Variants in PDGFRB observed in about 807,000 individuals in gnomAD.
PDGFRB encodes the protein platelet-derived growth factor receptor beta.
PDGFRB carries 42 observed loss-of-function variants against 120.2 expected under a neutral mutation model. That is an observed-to-expected ratio of 0.35 (90% CI 0.27 to 0.45). The LOEUF is 0.45. PDGFRB is among the 20% of genes least tolerant of loss of function. The pLI is 1.00. For missense variants in PDGFRB, 1,149 were observed against 1,476.3 expected (o/e 0.78, Z 3.63); for synonymous variants, 586 against 606.8 (o/e 0.97, Z 0.50).
intron 1 of PDGFRB, among the ~76,000 whole-genome samples, chr5:150,138,144 C>A (rs141139561): frequency 6.6e-6 from 1 of 152,348 alleles, no homozygotes; most frequent in Non-Finnish European, 1.5e-5. Flanking sequence ...AGTCTGCCTG[C>A]AGCATTGGCA....
Position 150,134,920 on chromosome 5 carries a change from G to A in PDGFRB, c.461C>T (p.Pro154Leu). The A allele has an allele frequency of 6.2e-7, 1 of 1,613,742 alleles. No individual in the cohort carries two copies. The highest frequency in any genetic ancestry group is 8.5e-7 in the Non-Finnish European group (1 of 1,179,610). ...EITIPCRVTD[P>L]QLVVTLHEKK... is the part of the protein sequence containing the mutation. ...CTCGTGCAGTGTCACCACCAGCTGT[G>A]GGTCTGTTACTCGGCATGGAATGGT... The change falls in exon 4 of 23, where the codon CCA becomes CTA. Residue 154 changes from proline to leucine, a missense_variant. This residue lies in a region of PDGFRB where 879 missense variants were observed against 1,108.6 expected (regional missense o/e 0.79). Coordinates refer to ENST00000261799, the MANE Select transcript of PDGFRB (RefSeq NM_002609.4).
rs1431198340 is a variant in PDGFRB, at chr5:150,137,034, C to T, written c.14G>A (p.Gly5Asp). 1.9e-6 allele frequency: 3 copies of T among 1,613,624 alleles called. No homozygotes were observed. Among genetic ancestry groups the T allele is most frequent in the Non-Finnish European group, 1.7e-6 (2 of 1,179,768 alleles). Residue 5 changes from glycine to aspartate, a missense_variant, in exon 2 of 23, where the codon GGT becomes GAT. By Grantham distance (94) the Gly-to-Asp change is moderately conservative. This residue lies in a region of PDGFRB where 879 missense variants were observed against 1,108.6 expected (regional missense o/e 0.79). Transcript: ENST00000261799. The part of the protein sequence containing the change: MRLP[G>D]AMPALALKGE... The stretch of plus-strand genomic sequence containing the variant: ...TTTGAGGGCCAGAGCTGGCATCGCA[C>T]CCGGAAGCCGCATGGTGTCCTGCAG...
intron 1 of PDGFRB, among the ~76,000 whole-genome samples, chr5:150,144,550 C>T (rs3776077): frequency 0.018 from 2,716 of 152,334 alleles, 35 homozygotes; most frequent in Middle Eastern, 0.037. Context: ...TGATAAAGAA[C>T]GGGCTGATCT....
At chr5:150,117,538 GCGCGCGCACACACACACACA>G (rs1299673870) in intron 22 of PDGFRB, 60 bp downstream of exon 22, 3 of 586,060 alleles carry the variant, frequency 5.1e-6, no homozygotes, top group Admixed American at 3.0e-5. Context: ...GCGCGCGCGC[GCGCGCGCACACACACACACA>G]CACACACACA....
chr5:150,146,401 G>A (rs547019986), intron 1 of PDGFRB, among the ~76,000 whole-genome samples: 130 of 152,290 alleles, frequency 8.5e-4, no homozygotes, highest in Admixed American at 3.9e-3. Context: ...ACCACCCTGT[G>A]AGGGGGGTAC....
At chr5:150,147,576 GTAGC>G (rs1760959864) in intron 1 of PDGFRB, among the ~76,000 whole-genome samples, 1 of 152,218 alleles carries the variant, frequency 6.6e-6, no homozygotes, top group Non-Finnish European at 1.5e-5. Context: ...TAGGGGAGGG[GTAGC>G]TAGCTAATGA....
rs756952937 is a variant in PDGFRB at position 150,132,951 on chromosome 5, G to T, written c.935-9C>A. Reference sequence around the variant, plus strand: ...CCGCACGTAGCCGCTCTCTGCAAGGGGTGACCGTCAGGGGCGGGGCCCTGG... The same window carrying T: ...CCGCACGTAGCCGCTCTCTGCAAGGTGTGACCGTCAGGGGCGGGGCCCTGG... On this transcript the variant is annotated splice_polypyrimidine_tract_variant and intron_variant, in intron 6 of 22. Coordinates refer to ENST00000261799, the MANE Select transcript of PDGFRB (RefSeq NM_002609.4). This position sits in a 1 kb window ranked among gnomAD's most constrained non-coding sequence, Gnocchi z 5.0. The T allele has an allele frequency of 3.9e-6, 6 of 1,547,446 alleles. No homozygotes were observed. The highest frequency in any genetic ancestry group is 5.2e-6 in the Non-Finnish European group (6 of 1,144,286).
chr5:150,117,645 G>A lies in PDGFRB; in HGVS notation c.3110C>T (p.Pro1037Leu). The change falls in exon 22 of 23, where the codon CCA becomes CTA. Residue 1037 changes from proline (P) to leucine (L), a missense_variant. Pro to Leu is a moderately conservative substitution (Grantham distance 98). This residue lies in a region of PDGFRB where 202 missense variants were observed against 214.3 expected (regional missense o/e 0.94). Coordinates refer to ENST00000261799, the MANE Select transcript of PDGFRB (RefSeq NM_002609.4). ...GGCTAGGCTGGGGGAACCCTCCAGT[G>A]GGCCCTCGTCAGCAACCTCGGGTTT... is the stretch of plus-strand genomic sequence containing the variant. ...DPKPEVADEG[P>L]LEGSPSLASS... The A allele has an allele frequency of 6.2e-7, 1 of 1,612,438 alleles. No homozygotes were observed. The highest frequency in any genetic ancestry group is 8.5e-7 in the Non-Finnish European group (1 of 1,178,580).
intron 19 of PDGFRB, 44 bp from the exon 20 acceptor site, chr5:150,119,610 A>G: frequency 8.3e-7 from 1 of 1,211,248 alleles, no homozygotes; most frequent in Non-Finnish European, 1.2e-6. Flanking sequence ...TCAGGGGTGG[A>G]AAAGTGGCAG....
At chr5:150,140,030 C>G (rs1050779757) in intron 1 of PDGFRB, among the ~76,000 whole-genome samples, 4 of 151,648 alleles carry the variant, frequency 2.6e-5, no homozygotes, top group Non-Finnish European at 4.4e-5. Context: ...TTTCAGGGGA[C>G]TTTCCGCTGG....
intron 1 of PDGFRB, among the ~76,000 whole-genome samples, chr5:150,152,814 C>G (rs1761114163): frequency 6.6e-6 from 1 of 152,218 alleles, no homozygotes; most frequent in Non-Finnish European, 1.5e-5. Flanking sequence ...CAGTGGTTCT[C>G]TCAGCCAGTG....
At chr5:150,118,947 G>T in intron 20 of PDGFRB, 95 bp from the exon 21 acceptor site, 1 of 736,236 alleles carries the variant, frequency 1.4e-6, no homozygotes, top group Non-Finnish European at 2.4e-6. Flanking sequence ...TCAGAACAAG[G>T]TGAGCCATGG....
chr5:150,113,909 C>T lies in PDGFRB; in HGVS notation c.*1854G>A, dbSNP rs1864973. On this transcript the variant is annotated 3_prime_UTR_variant, in exon 23 of 23. Transcript: ENST00000261799. Reference sequence around the variant, plus strand: ...AAAAAAGTACACAGATAGAAAAACTCAACAGCATACAAAATAGCATTTCTG... The same window carrying T: ...AAAAAAGTACACAGATAGAAAAACTTAACAGCATACAAAATAGCATTTCTG... The T allele has an allele frequency of 1, 232,239 of 233,152 alleles. 115,665 individuals carry two copies. Among genetic ancestry groups the T allele is most frequent in the East Asian group, 1 (16,510 of 16,510 alleles). The allele number at this position is 233,152 out of a possible 1,614,324, so 14.4% of individuals were successfully genotyped here.
chr5:150,122,523 C>T (rs1326935779), intron 15 of PDGFRB, among the ~76,000 whole-genome samples: 1 of 152,260 alleles, frequency 6.6e-6, no homozygotes, highest in Non-Finnish European at 1.5e-5. Context: ...AATGTCAAAA[C>T]ATTGGAGAGG....
At chr5:150,135,072 T>C (rs762588088) in intron 3 of PDGFRB, 56 bp from the exon 4 acceptor site, 4 of 893,560 alleles carry the variant, frequency 4.5e-6, no homozygotes, top group Non-Finnish European at 7.2e-6. Flanking sequence ...GGCCATCCCC[T>C]GAATTGCTGT....
At position 150,135,801 on chromosome 5, in the gene PDGFRB, G is replaced by GC; in HGVS notation, c.117dup (p.Pro40AlafsTer65). The GC allele has an allele frequency of 6.3e-7, 1 of 1,595,234 alleles. No homozygotes were observed. The highest frequency in any genetic ancestry group is 8.5e-7 in the Non-Finnish European group (1 of 1,170,418). ...CTGGAGACATTGAGGACAAGCTCTGGCCCCGGGGGTGTGACGACCAGGCCC... is the reference window on the plus strand; with the variant it reads ...CTGGAGACATTGAGGACAAGCTCTGGCCCCCGGGGGTGTGACGACCAGGCCC... On this transcript the variant is annotated frameshift_variant, in exon 3 of 23. Coordinates refer to ENST00000261799, the MANE Select transcript of PDGFRB (RefSeq NM_002609.4). LOFTEE classifies it high-confidence loss of function.
In PDGFRB at chr5:150,121,805, T is replaced by C. The variant is rs1760144123; in HGVS notation, c.2344+75A>G. 3.4e-6 allele frequency: 4 copies of C among 1,186,376 alleles called. No homozygotes were observed. Among genetic ancestry groups the C allele is most frequent in the African/African-American group, 1.5e-5 (1 of 66,404 alleles). The allele number at this position is 1,186,376 out of a possible 1,614,324, so 73.5% of individuals were successfully genotyped here. A position where few individuals can be genotyped will look rare whatever the true frequency, so the allele number is the denominator to read the frequency against. ...GCACGAGGCTCCCTTCTTCTCAGGG[T>C]TTTTGGCAAGGCTGGGCATGTGAAG... On this transcript the variant is annotated intron_variant, in intron 16 of 22. Coordinates refer to ENST00000261799, the MANE Select transcript of PDGFRB (RefSeq NM_002609.4). This position sits in a 1 kb window ranked among gnomAD's most constrained non-coding sequence, Gnocchi z 4.1.
chr5:150,136,871 C>A, intron 2 of PDGFRB, 137 bp downstream of exon 2: 3 of 688,910 alleles, frequency 4.4e-6, no homozygotes, highest in Admixed American at 5.5e-5. Flanking sequence ...CACTGGAAAT[C>A]CTGAAAACTA....
At chr5:150,134,414 C>G (rs1455678635) in intron 4 of PDGFRB, among the ~76,000 whole-genome samples, 2 of 152,188 alleles carry the variant, frequency 1.3e-5, no homozygotes, top group African/African-American at 2.4e-5. Context: ...GAAGCAGGCT[C>G]AGAGAGATTA....
Sources: allele counts gnomAD v4.1 joint callset (sites outside exome capture counted in the v4.1 genomes callset), GRCh38; gene constraint gnomAD v4.1.1; regional missense constraint gnomAD v4.1.1; non-coding constraint Gnocchi (gnomAD v3.1); transcripts MANE v1.5; gene names NCBI Gene and HGNC (gene_info 2026-07-23, HGNC 2026-07-21).